The following MAP4K4 variants were observed in gnomAD, a reference collection of about 807,000 sequenced individuals.
MAP4K4 encodes the protein HPK/GCK-like kinase HGK.
A neutral mutation model predicts 189.6 loss-of-function variants in MAP4K4; 38 were observed. The observed-to-expected ratio is 0.20, with a 90% CI of 0.15 to 0.26. The LOEUF (loss-of-function observed/expected upper bound fraction) is 0.26, where lower values mean the gene tolerates loss of function less well. MAP4K4 is among the 10% of genes least tolerant of loss of function. The probability of loss-of-function intolerance (pLI) is 1.00; values close to 1 mark genes in which losing one functional copy is unlikely to be tolerated. For synonymous variants in MAP4K4, 610 were observed against 624.3 expected, an observed-to-expected ratio of 0.98 and a Z score of 0.34; for missense variants, 1,054 against 1,726.9, an observed-to-expected ratio of 0.61 and a Z score of 6.91.
chr2:101,726,616 A>T (rs1052616857), intron 2 of MAP4K4, among the ~76,000 whole-genome samples: 3 of 152,240 alleles, frequency 2.0e-5, no homozygotes, highest in African/African-American at 4.8e-5. Flanking sequence ...TTTGTATTTC[A>T]TTATCAAGAC....
At chr2:101,799,436 C>T (rs1261814880) in intron 3 of MAP4K4, among the ~76,000 whole-genome samples, 3 of 152,322 alleles carry the variant, frequency 2.0e-5, no homozygotes, top group Non-Finnish European at 2.9e-5. Flanking sequence ...ACCTGCCTCC[C>T]TCCACCTGTG....
intron 5 of MAP4K4, among the ~76,000 whole-genome samples, chr2:101,825,790 T>C (rs2096325413): frequency 6.6e-6 from 1 of 152,230 alleles, no homozygotes; most frequent in South Asian, 2.1e-4. Context: ...AGCTTATAAA[T>C]CAATACTAAT....
At chr2:101,728,827 A>G (rs1483038479) in intron 2 of MAP4K4, among the ~76,000 whole-genome samples, 1 of 152,092 alleles carries the variant, frequency 6.6e-6, no homozygotes, top group Non-Finnish European at 1.5e-5. Context: ...CAGATCCCCT[A>G]GTTGATTTTA....
chr2:101,859,009 G>A (rs1182995037), exon 14 of MAP4K4: 16 of 1,611,854 alleles, frequency 9.9e-6, no homozygotes, highest in Non-Finnish European at 1.4e-5. Context: ...TATATCAGGC[G>A]ACAGCTAGAA....
intron 3 of MAP4K4, among the ~76,000 whole-genome samples, chr2:101,809,182 A>G (rs1415503069): frequency 6.6e-6 from 1 of 152,134 alleles, no homozygotes; most frequent in Non-Finnish European, 1.5e-5. Context: ...ACACCTCTAC[A>G]ACTTTGAGCT....
At chr2:101,740,310 C>T (rs1227481840) in intron 2 of MAP4K4, among the ~76,000 whole-genome samples, 9 of 127,234 alleles carry the variant, frequency 7.1e-5, no homozygotes, top group Admixed American at 2.2e-4. Flanking sequence ...CCCGCCACTA[C>T]GCCCGGCTAA....
chr2:101,736,270 C>T (rs1047828319), intron 2 of MAP4K4, among the ~76,000 whole-genome samples: 1 of 152,148 alleles, frequency 6.6e-6, no homozygotes, highest in Non-Finnish European at 1.5e-5. Flanking sequence ...GTATAAAGAC[C>T]AAGCTCTTTA....
chr2:101,721,427 GTA>G (rs1370945953), intron 2 of MAP4K4, among the ~76,000 whole-genome samples: 3 of 148,708 alleles, frequency 2.0e-5, no homozygotes, highest in Non-Finnish European at 4.5e-5. Flanking sequence ...GGGTTGGGTA[GTA>G]TATTGCTTTT....
intron 8 of MAP4K4, 100 bp downstream of exon 8, chr2:101,834,563 TTC>T (rs2096688585): frequency 1.1e-6 from 1 of 895,328 alleles, no homozygotes; most frequent in South Asian, 1.5e-5. Context: ...ATAAAGGCAT[TTC>T]TGGTGGACTG....
chr2:101,882,262 TTG>T (rs1363405785), intron 27 of MAP4K4, among the ~76,000 whole-genome samples: 1 of 152,264 alleles, frequency 6.6e-6, no homozygotes, highest in Non-Finnish European at 1.5e-5. Context: ...GAGCATCTTT[TTG>T]TGTGTCTGTG....
chr2:101,808,397 C>T (rs377647319), intron 3 of MAP4K4, among the ~76,000 whole-genome samples: 27 of 152,146 alleles, frequency 1.8e-4, no homozygotes, highest in Non-Finnish European at 1.5e-4. Flanking sequence ...CAAGTGAGGT[C>T]GTGCTGGGTG....
At chr2:101,733,200 A>G (rs2059198194) in intron 2 of MAP4K4, among the ~76,000 whole-genome samples, 2 of 152,132 alleles carry the variant, frequency 1.3e-5, no homozygotes, top group South Asian at 2.1e-4. Flanking sequence ...GCCGGCCCCA[A>G]CCCTGCAGGG....
At chr2:101,765,916 C>A (rs1312945359) in intron 2 of MAP4K4, among the ~76,000 whole-genome samples, 1 of 151,954 alleles carries the variant, frequency 6.6e-6, no homozygotes, top group Non-Finnish European at 1.5e-5. Context: ...TGTTTCTTTG[C>A]CTTAGTGAAC....
At chr2:101,835,762 A>G (rs1325074330) in intron 8 of MAP4K4, 138 bp from the exon 9 acceptor site, 4 of 539,890 alleles carry the variant, frequency 7.4e-6, no homozygotes, top group Non-Finnish European at 1.0e-5. Context: ...GTTCATAACT[A>G]GATGTCTAGA....
At chr2:101,747,099 T>G (rs2066007432) in intron 2 of MAP4K4, among the ~76,000 whole-genome samples, 1 of 152,106 alleles carries the variant, frequency 6.6e-6, no homozygotes, top group South Asian at 2.1e-4. Context: ...TGACTGCTTT[T>G]GTGTCCATAT....
chr2:101,709,883 ATACC>A (rs2044450664), intron 2 of MAP4K4, among the ~76,000 whole-genome samples: 1 of 151,990 alleles, frequency 6.6e-6, no homozygotes, highest in Non-Finnish European at 1.5e-5. Context: ...TTTTTTTGTG[ATACC>A]TTTTGTTAGG....
intron 2 of MAP4K4, among the ~76,000 whole-genome samples, chr2:101,743,139 A>G (rs1224281830): frequency 6.6e-6 from 1 of 152,212 alleles, no homozygotes; most frequent in Non-Finnish European, 1.5e-5. Context: ...AGCAGAAGGT[A>G]GGTTAACCAC....
Position 101,714,517 on chromosome 2 carries a change from C to T in MAP4K4, c.123+15979C>T, listed in dbSNP as rs2047386743. Among the ~76,000 whole-genome samples the T allele has an allele frequency of 3.3e-5, 5 of 152,276 alleles. No homozygotes were observed. The South Asian group carries it at 1.0e-3, about 32-fold the overall frequency. The stretch of plus-strand genomic sequence containing the variant: ...AACATTCTACAATTATGTTATATAA[C>T]TAATCATAATAATTTTACTTTCTCC... On this transcript the variant is annotated intron_variant, in intron 2 of 32. Coordinates refer to ENST00000324219, the Ensembl canonical transcript of MAP4K4.
chr2:101,882,750 T>C lies in MAP4K4; in HGVS notation c.3520+65T>C, dbSNP rs1164169708. Reference sequence around the variant, plus strand: ...TGATTAGAGTTTGAATTTTAAACTTTAAATTTTCACAGGTTTTTTGAAGTT... The same window carrying C: ...TGATTAGAGTTTGAATTTTAAACTTCAAATTTTCACAGGTTTTTTGAAGTT... On this transcript the variant is annotated intron_variant, in intron 28 of 32. Coordinates refer to ENST00000324219, the Ensembl canonical transcript of MAP4K4. 1.3e-5 allele frequency: 18 copies of C among 1,430,752 alleles called. 1 individual carries two copies. In the South Asian group the frequency reaches 2.2e-4, roughly 18 times the overall value. The allele number at this position is 1,430,752 out of a possible 1,614,324, so 88.6% of individuals were successfully genotyped here.
Sources: gnomAD v4.1 joint callset for allele counts (sites outside exome capture counted in the v4.1 genomes callset) on GRCh38, gnomAD v4.1.1 for gene constraint, MANE v1.5 for transcripts, NCBI Gene and HGNC (gene_info 2026-07-23, HGNC 2026-07-21) for gene names.